Variants in ARHGAP24 observed in about 807,000 individuals in gnomAD.
The protein encoded by ARHGAP24 is Rho GTPase activating protein 24.
Under a neutral mutation model 76.4 loss-of-function variants are expected in ARHGAP24, and 50 were observed. The ratio of observed to expected loss-of-function variants is 0.65; its 90% CI spans 0.52 to 0.83. ARHGAP24 has a LOEUF of 0.83. Ranked by LOEUF, ARHGAP24 falls within the 40% of genes least tolerant of loss-of-function variation. The pLI, the probability that ARHGAP24 is intolerant of heterozygous loss-of-function variation, is 0.00. For missense variants in ARHGAP24, 930 were observed against 914.2 expected (o/e 1.02, Z -0.22); for synonymous variants, 345 against 323.3 (o/e 1.07, Z -0.72).
At chr4:85,997,294 G>A (rs1740717943) in intron 9 of ARHGAP24, among the ~76,000 whole-genome samples, 1 of 151,354 alleles carries the variant, frequency 6.6e-6, no homozygotes, top group Admixed American at 6.6e-5. Flanking sequence ...AGGTAGGTAG[G>A]TAGGTAGGTA....
chr4:85,553,021 C>T (rs1477141995), intron 1 of ARHGAP24, among the ~76,000 whole-genome samples: 1 of 152,024 alleles, frequency 6.6e-6, no homozygotes, highest in East Asian at 1.9e-4. Flanking sequence ...CAGAGTTGCT[C>T]ATTCCTCCCG....
chr4:85,677,871 G>A (rs7681661), intron 2 of ARHGAP24, among the ~76,000 whole-genome samples: 83,904 of 151,916 alleles, frequency 0.55, 24,140 homozygotes, highest in Non-Finnish European at 0.64. Context: ...AACATAGCAA[G>A]ACCCTATCTC....
Position 85,995,416 on chromosome 4 carries a change from T to C in ARHGAP24, c.1762T>C (p.Phe588Leu). 6.2e-7 allele frequency: 1 copy of C among 1,612,526 alleles called. No individual in the cohort carries two copies. The highest frequency in any genetic ancestry group is 8.5e-7 in the Non-Finnish European group (1 of 1,178,744). ...AGAGCAAGACTTTTTTGGGGGGAAC[T>C]TTGAGGACCCTGTTTTGGATGGGCC... ...CPEQDFFGGN[F>L]EDPVLDGPPQ... Residue 588 changes from phenylalanine to leucine, a missense_variant, in exon 9 of 10, where the codon TTT becomes CTT. Transcript: ENST00000395184.
intron 3 of ARHGAP24, among the ~76,000 whole-genome samples, chr4:85,887,531 C>T (rs1733630005): frequency 6.6e-6 from 1 of 152,116 alleles, no homozygotes; most frequent in Non-Finnish European, 1.5e-5. Context: ...TCCAGAAACA[C>T]CAGGACATAA....
chr4:85,902,626 C>T (rs1313514509), intron 3 of ARHGAP24, among the ~76,000 whole-genome samples: 18 of 151,964 alleles, frequency 1.2e-4, no homozygotes. Flanking sequence ...TTTTTTGAAC[C>T]GGAGTCTCAC....
intron 5 of ARHGAP24, among the ~76,000 whole-genome samples, chr4:85,959,017 T>C (rs538986545): frequency 6.6e-6 from 1 of 152,272 alleles, no homozygotes; most frequent in African/African-American, 2.4e-5. Flanking sequence ...CAAGAAAGGA[T>C]TCAGGGCGAG....
At chr4:85,896,249 T>TC (rs1329448407) in intron 3 of ARHGAP24, among the ~76,000 whole-genome samples, 3 of 152,210 alleles carry the variant, frequency 2.0e-5, no homozygotes, top group Non-Finnish European at 2.9e-5. Context: ...TATTTTGCAA[T>TC]CTATCCAGTT....
chr4:85,613,117 C>A (rs563243636), intron 2 of ARHGAP24, among the ~76,000 whole-genome samples: 1 of 152,016 alleles, frequency 6.6e-6, no homozygotes, highest in African/African-American at 2.4e-5. Context: ...TTTTAAGTTA[C>A]AGTTTACTAT....
chr4:85,508,798 G>T (rs186354773), intron 1 of ARHGAP24, among the ~76,000 whole-genome samples: 1 of 152,032 alleles, frequency 6.6e-6, no homozygotes. Flanking sequence ...CAAACTGGCC[G>T]GGTCAGCCTG....
Position 85,764,344 on chromosome 4 carries a change from G to A in ARHGAP24, c.268+42372G>A, listed in dbSNP as rs148380921. On this transcript the variant is annotated intron_variant, in intron 3 of 9. Coordinates refer to ENST00000395184, the MANE Select transcript of ARHGAP24 (RefSeq NM_001025616.3). Reference sequence around the variant, plus strand: ...TGTTCTCCCCTGCTATCATCAATGCGTTAAAAGGAAGGGGATTCTACACAG... The same window carrying A: ...TGTTCTCCCCTGCTATCATCAATGCATTAAAAGGAAGGGGATTCTACACAG... 4.6e-5 allele frequency among the ~76,000 whole-genome samples: 7 copies of A among 152,126 alleles called. No individual in the cohort carries two copies. The East Asian group carries it at 5.8e-4, about 13-fold the overall frequency.
chr4:85,732,420 A>G (rs1311655864), intron 3 of ARHGAP24, among the ~76,000 whole-genome samples: 2 of 152,232 alleles, frequency 1.3e-5, no homozygotes, highest in East Asian at 1.9e-4. Flanking sequence ...GCACTGGCAT[A>G]TCACTGAGAC....
intron 1 of ARHGAP24, among the ~76,000 whole-genome samples, chr4:85,540,659 G>T (rs1036344340): frequency 1.3e-5 from 2 of 151,806 alleles, no homozygotes; most frequent in African/African-American, 2.4e-5. Flanking sequence ...TTTTCTTCAC[G>T]CCAGAAATTT....
At chr4:85,563,608 A>T (rs1726685722) in intron 1 of ARHGAP24, among the ~76,000 whole-genome samples, 1 of 152,220 alleles carries the variant, frequency 6.6e-6, no homozygotes, top group African/African-American at 2.4e-5. Flanking sequence ...GGACTTCAAC[A>T]TATGAATTTG....
intron 3 of ARHGAP24, among the ~76,000 whole-genome samples, chr4:85,895,706 C>A (rs1402771192): frequency 6.6e-6 from 1 of 152,084 alleles, no homozygotes; most frequent in African/African-American, 2.4e-5. Context: ...ATTCTAGGCA[C>A]AAATATCTAG....
intron 1 of ARHGAP24, among the ~76,000 whole-genome samples, chr4:85,507,997 G>T (rs1427941484): frequency 6.6e-6 from 1 of 151,592 alleles, no homozygotes; most frequent in Non-Finnish European, 1.5e-5. Flanking sequence ...GAATAAAGTT[G>T]ATGTGCATAA....
intron 2 of ARHGAP24, among the ~76,000 whole-genome samples, chr4:85,598,230 T>G (rs1001962656): frequency 1.3e-5 from 2 of 152,076 alleles, no homozygotes; most frequent in Non-Finnish European, 2.9e-5. Context: ...ATTTTAGCTG[T>G]CTTCCATTTA....
intron 4 of ARHGAP24, among the ~76,000 whole-genome samples, chr4:85,927,359 T>C (rs1011797901): frequency 1.7e-4 from 26 of 152,214 alleles, no homozygotes; most frequent in Non-Finnish European, 2.9e-4. Flanking sequence ...GATGGAGAGA[T>C]AGCCAAAAGA....
intron 8 of ARHGAP24, chr4:85,990,695 T>C (rs1740270096): frequency 6.6e-6 from 1 of 151,918 alleles, no homozygotes; most frequent in Non-Finnish European, 1.5e-5. Flanking sequence ...CCCCAAATGA[T>C]GCTGGAACAA....
chr4:85,894,481 T>A (rs1734027265), intron 3 of ARHGAP24, among the ~76,000 whole-genome samples: 3 of 152,212 alleles, frequency 2.0e-5, no homozygotes, highest in African/African-American at 4.8e-5. Context: ...GTTGCTCTTG[T>A]TCTTTGAAGG....
Sources: gnomAD v4.1 joint callset for allele counts (sites outside exome capture counted in the v4.1 genomes callset) on GRCh38, gnomAD v4.1.1 for gene constraint, MANE v1.5 for transcripts, NCBI Gene and HGNC (gene_info 2026-07-23, HGNC 2026-07-21) for gene names.